Variants in ADCY5 observed in about 807,000 individuals in gnomAD.
The protein encoded by ADCY5 is adenylate cyclase type 5.
ADCY5 carries 30 observed loss-of-function variants against 119.7 expected under a neutral mutation model. The observed-to-expected ratio is 0.25, with a 90% CI of 0.19 to 0.34. The LOEUF (loss-of-function observed/expected upper bound fraction) is 0.34. Among genes scored for constraint, ADCY5 ranks in the 10% least tolerant of loss-of-function variants. ADCY5 has a pLI of 1.00. For synonymous variants in ADCY5, 753 were observed against 762.2 expected (o/e 0.99, Z 0.20); for missense variants, 1,324 against 1,775.2 (o/e 0.75, Z 4.57).
chr3:123,303,475 C>T (rs1302343909), intron 13 of ADCY5, among the ~76,000 whole-genome samples: 1 of 152,164 alleles, frequency 6.6e-6, no homozygotes, highest in East Asian at 1.9e-4. Context: ...TAAACTCTTC[C>T]TGGCCCCACC....
intron 1 of ADCY5, among the ~76,000 whole-genome samples, chr3:123,408,986 T>C (rs901521264): frequency 1.7e-4 from 26 of 152,016 alleles, no homozygotes; most frequent in African/African-American, 6.3e-4. Flanking sequence ...AAAAATAAAA[T>C]AAAATAAAAA....
rs185017268 is a variant in ADCY5, at chr3:123,305,030, A to G, written c.2443-847T>C. Among the ~76,000 whole-genome samples, 203 of 152,254 alleles carry G rather than the reference A, an allele frequency of 1.3e-3. 1 individual carries two copies. The highest frequency in any genetic ancestry group is 2.1e-3 in the Non-Finnish European group (145 of 68,022). ...GAGGCCTATCTGCTACAGACAAGCT[A>G]GGTGTCTATAAAACCCCCCAAGGGC... On this transcript the variant is annotated intron_variant, in intron 12 of 20. Transcript: ENST00000462833.
chr3:123,397,190 T>A (rs573253843), intron 1 of ADCY5, among the ~76,000 whole-genome samples: 2 of 152,308 alleles, frequency 1.3e-5, no homozygotes, highest in African/African-American at 4.8e-5. Flanking sequence ...TCTAGCTGAC[T>A]TTTTCCTTAC....
intron 1 of ADCY5, among the ~76,000 whole-genome samples, chr3:123,390,481 A>G (rs1944372831): frequency 6.6e-6 from 1 of 152,176 alleles, no homozygotes; most frequent in African/African-American, 2.4e-5. Context: ...GGCCTGTGGG[A>G]GCCTAGATCC....
chr3:123,293,339 G>A (rs1939281837), intron 17 of ADCY5, among the ~76,000 whole-genome samples: 1 of 152,248 alleles, frequency 6.6e-6, no homozygotes, highest in Admixed American at 6.5e-5. Context: ...GGGCGGGGCA[G>A]AGACTATCAC....
rs938730293 is a variant in ADCY5 at position 123,304,142 on chromosome 3, C to T, written c.2484G>A (p.Val828=). The change falls in exon 13 of 21, where the codon GTG becomes GTA. Residue 828 remains valine, a synonymous_variant. Coordinates refer to ENST00000462833, the MANE Select transcript of ADCY5 (RefSeq NM_183357.3). The part of the protein sequence containing the change: ...SPLQTLSRKI[V]RSKMNSTLVG... ...CCAGGGTGCTGTTCATCTTGGACCGCACGATCTTCCTGGAGAGGGTCTGCA... is the reference window on the plus strand; with the variant it reads ...CCAGGGTGCTGTTCATCTTGGACCGTACGATCTTCCTGGAGAGGGTCTGCA... 18 of 1,605,120 alleles carry T rather than the reference C, an allele frequency of 1.1e-5. No homozygotes were observed. Among genetic ancestry groups the T allele is most frequent in the African/African-American group, 2.7e-5 (2 of 74,042 alleles).
intron 1 of ADCY5, among the ~76,000 whole-genome samples, chr3:123,433,442 A>C (rs1945556495): frequency 6.6e-6 from 1 of 152,236 alleles, no homozygotes; most frequent in Non-Finnish European, 1.5e-5. Flanking sequence ...CTAAGTGAAC[A>C]AACAGCCGTC....
chr3:123,413,665 C>A (rs906257160), intron 1 of ADCY5, among the ~76,000 whole-genome samples: 2 of 152,238 alleles, frequency 1.3e-5, no homozygotes, highest in Admixed American at 6.5e-5. Context: ...CTCTGCCTGG[C>A]CTGCTGTCAG....
chr3:123,303,893 G>GAAGAGAAGAGAAGAAAAGAA, intron 13 of ADCY5, among the ~76,000 whole-genome samples, 174 bp downstream of exon 13: 1 of 117,248 alleles, frequency 8.5e-6, no homozygotes, highest in African/African-American at 3.4e-5. Context: ...GAAGAGAAGA[G>GAAGAGAAGAGAAGAAAAGAA]AAGAAAGAAC....
chr3:123,334,433 T>G (rs1941929894), intron 3 of ADCY5, among the ~76,000 whole-genome samples: 1 of 152,244 alleles, frequency 6.6e-6, no homozygotes, highest in South Asian at 2.1e-4. Flanking sequence ...AAATGTGTAT[T>G]GGTACATTAA....
At chr3:123,374,538 G>A (rs1206707516) in intron 1 of ADCY5, among the ~76,000 whole-genome samples, 1 of 152,192 alleles carries the variant, frequency 6.6e-6, no homozygotes, top group Admixed American at 6.5e-5. Flanking sequence ...GTGAGGCACA[G>A]TGAAGTTAAG....
intron 1 of ADCY5, among the ~76,000 whole-genome samples, chr3:123,385,891 C>T (rs190823276): frequency 1.3e-5 from 2 of 152,314 alleles, no homozygotes; most frequent in Admixed American, 1.3e-4. Flanking sequence ...ATCGTCACCA[C>T]CATCACCCTG....
At chr3:123,347,540 A>G (rs1942617137) in intron 3 of ADCY5, among the ~76,000 whole-genome samples, 1 of 151,614 alleles carries the variant, frequency 6.6e-6, no homozygotes, top group Admixed American at 6.6e-5. Context: ...TCCTGTTTTT[A>G]TTCTCTCCCT....
chr3:123,407,589 T>TAAAA (rs35895488), intron 1 of ADCY5, among the ~76,000 whole-genome samples: 19 of 94,134 alleles, frequency 2.0e-4, no homozygotes, highest in African/African-American at 6.8e-4. Context: ...CTATCTCTAC[T>TAAAA]AAAAAAAAAA....
intron 1 of ADCY5, among the ~76,000 whole-genome samples, chr3:123,426,608 G>T (rs1329970313): frequency 6.6e-6 from 1 of 152,176 alleles, no homozygotes; most frequent in African/African-American, 2.4e-5. Flanking sequence ...TGGGATTACG[G>T]GCGTGAGCCA....
chr3:123,437,021 C>T (rs1945629883), intron 1 of ADCY5, among the ~76,000 whole-genome samples: 1 of 152,082 alleles, frequency 6.6e-6, no homozygotes, highest in Non-Finnish European at 1.5e-5. Flanking sequence ...GTACAAGTGA[C>T]TTTTCTGGGA....
intron 1 of ADCY5, among the ~76,000 whole-genome samples, chr3:123,364,341 G>A (rs1175027028): frequency 6.6e-6 from 1 of 152,132 alleles, no homozygotes; most frequent in Non-Finnish European, 1.5e-5. Context: ...AAACCAGAGA[G>A]AATAAGTCAA....
intron 12 of ADCY5, among the ~76,000 whole-genome samples, chr3:123,313,625 T>C (rs990142941): frequency 7.9e-5 from 12 of 152,084 alleles, no homozygotes; most frequent in African/African-American, 2.9e-4. Flanking sequence ...CAGAGCCAGG[T>C]CGCATTGAGG....
intron 1 of ADCY5, among the ~76,000 whole-genome samples, chr3:123,376,542 C>T (rs1361069857): frequency 1.3e-5 from 2 of 152,160 alleles, no homozygotes; most frequent in Non-Finnish European, 2.9e-5. Context: ...CTAGAGGTCT[C>T]ACCCCACTCA....
Sources: allele counts gnomAD v4.1 joint callset (sites outside exome capture counted in the v4.1 genomes callset), GRCh38; gene constraint gnomAD v4.1.1; transcripts MANE v1.5; gene names NCBI Gene and HGNC (gene_info 2026-07-23, HGNC 2026-07-21).